The following SDK1 variants were observed in gnomAD, a reference collection of about 807,000 sequenced individuals.
SDK1 encodes protein sidekick-1.
SDK1 carries 157 observed loss-of-function variants against 245.5 expected under a neutral mutation model. The ratio of observed to expected loss-of-function variants is 0.64; its 90% CI spans 0.56 to 0.73. The LOEUF is 0.73. Ranked by LOEUF, SDK1 falls within the 30% of genes least tolerant of loss-of-function variation. SDK1 has a pLI of 0.00. For synonymous variants in SDK1, 1,647 were observed against 1,278.5 expected, an observed-to-expected ratio of 1.29 and a Z score of -6.15; for missense variants, 3,583 against 3,002.3, an observed-to-expected ratio of 1.19 and a Z score of -4.52.
At chr7:3,817,821 G>T (rs1052933810) in intron 4 of SDK1, among the ~76,000 whole-genome samples, 1 of 152,176 alleles carries the variant, frequency 6.6e-6, no homozygotes, top group African/African-American at 2.4e-5. Flanking sequence ...AGCACCTCAG[G>T]AGAGTGTTGG....
chr7:3,634,248 TGAAAATGTC>T, intron 2 of SDK1, among the ~76,000 whole-genome samples: 1 of 152,140 alleles, frequency 6.6e-6, no homozygotes, highest in Non-Finnish European at 1.5e-5. Flanking sequence ...CTAGGTAGAC[TGAAAATGTC>T]AGATGACTAG....
chr7:4,049,943 T>A (rs927079484), intron 18 of SDK1, among the ~76,000 whole-genome samples: 1 of 152,192 alleles, frequency 6.6e-6, no homozygotes, highest in Non-Finnish European at 1.5e-5. Flanking sequence ...CCGCCCATAC[T>A]GAATTAGACA....
intron 4 of SDK1, among the ~76,000 whole-genome samples, chr7:3,741,597 T>C (rs1253278604): frequency 6.6e-6 from 1 of 152,232 alleles, no homozygotes; most frequent in East Asian, 1.9e-4. Context: ...TTGTGCTTTT[T>C]GAACTCAGCA....
At chr7:3,676,624 CCTCT>C (rs1783913216) in intron 4 of SDK1, among the ~76,000 whole-genome samples, 1 of 152,140 alleles carries the variant, frequency 6.6e-6, no homozygotes, top group Non-Finnish European at 1.5e-5. Flanking sequence ...CACGCCTTGC[CCTCT>C]TCTAATATTT....
intron 5 of SDK1, among the ~76,000 whole-genome samples, chr7:3,913,396 C>T (rs1406624171): frequency 2.0e-5 from 3 of 151,808 alleles, no homozygotes; most frequent in Non-Finnish European, 1.5e-5. Context: ...CAGGTTCACG[C>T]CATTCTCCTG....
chr7:3,466,190 C>T (rs561244537), intron 1 of SDK1, among the ~76,000 whole-genome samples: 4 of 151,746 alleles, frequency 2.6e-5, no homozygotes, highest in East Asian at 3.9e-4. Flanking sequence ...TGCCTTTCAT[C>T]GAGTTATTGG....
At chr7:4,227,356 G>A (rs1785503662) in intron 40 of SDK1, 2 of 470,488 alleles carry the variant, frequency 4.3e-6, no homozygotes, top group South Asian at 1.6e-5. Context: ...CCTGCAACAC[G>A]GGCTTTCTTC....
chr7:3,716,841 A>G (rs950957640), intron 4 of SDK1, among the ~76,000 whole-genome samples: 9 of 152,158 alleles, frequency 5.9e-5, no homozygotes, highest in African/African-American at 2.2e-4. Flanking sequence ...TAATAGTTAA[A>G]TGAGGTCCTC....
At position 3,567,395 on chromosome 7, in the gene SDK1, AAGCACTG is replaced by A. The variant is rs149540791; in HGVS notation, c.299-51682_299-51676del. Among the ~76,000 whole-genome samples, 1,021 of 152,324 alleles carry A rather than the reference AAGCACTG, an allele frequency of 6.7e-3. 8 individuals are homozygous for A. Among genetic ancestry groups the A allele is most frequent in the South Asian group, 0.018 (86 of 4,822 alleles). ...ATTGTGGAATTATTCCTAGAAGCCG[AAGCACTG>A]AGTTGATTGGTATGGACTTTCCAAA... On this transcript the variant is annotated intron_variant, in intron 1 of 44. Coordinates refer to ENST00000404826, the MANE Select transcript of SDK1 (RefSeq NM_152744.4).
At chr7:4,092,254 C>G (rs542597527) in intron 22 of SDK1, among the ~76,000 whole-genome samples, 4 of 152,324 alleles carry the variant, frequency 2.6e-5, no homozygotes, top group African/African-American at 9.6e-5. Context: ...TCTGAGAAAC[C>G]TGCCAGCCCC....
chr7:4,153,856 T>G (rs896606560), intron 30 of SDK1, among the ~76,000 whole-genome samples: 1 of 152,002 alleles, frequency 6.6e-6, no homozygotes, highest in African/African-American at 2.4e-5. Context: ...TTTAATTTTT[T>G]TTTTTTTAGA....
chr7:3,613,272 T>G (rs1781663204), intron 1 of SDK1, among the ~76,000 whole-genome samples: 1 of 152,196 alleles, frequency 6.6e-6, no homozygotes, highest in Non-Finnish European at 1.5e-5. Context: ...GAATGATTTT[T>G]CCTCTGCAGA....
chr7:3,493,829 A>G (rs1481866701), intron 1 of SDK1, among the ~76,000 whole-genome samples: 1 of 152,218 alleles, frequency 6.6e-6, no homozygotes, highest in African/African-American at 2.4e-5. Context: ...CTGTCTCTAC[A>G]TGGAATGACC....
At chr7:3,704,051 C>G (rs1562383533) in intron 4 of SDK1, among the ~76,000 whole-genome samples, 2 of 152,156 alleles carry the variant, frequency 1.3e-5, no homozygotes, top group African/African-American at 4.8e-5. Context: ...TTCTTCCTCC[C>G]CTTTCTGAGT....
chr7:3,958,785 G>A, intron 7 of SDK1, 146 bp from the exon 8 acceptor site: 1 of 689,382 alleles, frequency 1.5e-6, no homozygotes, highest in Non-Finnish European at 2.5e-6. Context: ...TGTGCTCACT[G>A]AGTTCTGAGT....
At chr7:3,968,049 C>T (rs1053574038) in intron 10 of SDK1, among the ~76,000 whole-genome samples, 5 of 152,254 alleles carry the variant, frequency 3.3e-5, no homozygotes, top group Admixed American at 1.3e-4. Context: ...CAGGCCTCCT[C>T]GGGCCTTACC....
intron 2 of SDK1, among the ~76,000 whole-genome samples, chr7:3,623,202 G>A: frequency 6.7e-6 from 1 of 149,760 alleles, no homozygotes; most frequent in Non-Finnish European, 1.5e-5. Flanking sequence ...TTTCTTTGCT[G>A]TGTGCGTTAC....
chr7:4,107,735 C>G (rs1783036293), intron 22 of SDK1, among the ~76,000 whole-genome samples: 1 of 152,164 alleles, frequency 6.6e-6, no homozygotes, highest in Non-Finnish European at 1.5e-5. Context: ...CGCCTACGAC[C>G]CCCATCTCCT....
rs571547824 is a variant in SDK1, at chr7:4,017,319, A to G, written c.2569A>G (p.Ser857Gly). Residue 857 changes from serine (S) to glycine (G), a missense_variant, in exon 17 of 45, where the codon AGC becomes GGC. By Grantham distance (56) the Ser-to-Gly change is moderately conservative. Transcript: ENST00000404826. ...CAACGGGGCCGGTCTGGGCGTCTTC[A>G]GCAGGGCAGTGACCGAGTACACCTT... ...AYNGAGLGVF[S>G]RAVTEYTLQG... The G allele has an allele frequency of 1.9e-6, 3 of 1,613,760 alleles. No homozygotes were observed. The highest frequency in any genetic ancestry group is 2.7e-5 in the African/African-American group (2 of 75,036).
Sources: allele counts gnomAD v4.1 joint callset (sites outside exome capture counted in the v4.1 genomes callset), GRCh38; gene constraint gnomAD v4.1.1; transcripts MANE v1.5; gene names NCBI Gene and HGNC (gene_info 2026-07-23, HGNC 2026-07-21).